TMEM132D: variants seen among roughly 807,000 people sequenced by gnomAD.
TMEM132D encodes transmembrane protein 132D.
In TMEM132D, 21 loss-of-function variants were observed where a neutral mutation model predicts 62.3. The observed-to-expected ratio is 0.34, with a 90% confidence interval of 0.24 to 0.49. The LOEUF is 0.49. TMEM132D is among the 20% of genes least tolerant of loss of function. The probability of loss-of-function intolerance (pLI) is 0.99; values close to 1 mark genes in which losing one functional copy is unlikely to be tolerated. For missense variants in TMEM132D, 1,346 were observed against 1,402.8 expected (o/e 0.96, Z 0.65); for synonymous variants, 621 against 575.6 (o/e 1.08, Z -1.13).
chr12:129,588,748 CT>C (rs869239504), intron 2 of TMEM132D, among the ~76,000 whole-genome samples: 2 of 34,396 alleles, frequency 5.8e-5, no homozygotes, highest in East Asian at 1.9e-3. Flanking sequence ...CTATTTTTTT[CT>C]TTTTTTTTTT....
intron 2 of TMEM132D, among the ~76,000 whole-genome samples, chr12:129,605,604 T>TATATATATATATATATACACACAC (rs150550863): frequency 3.8e-5 from 4 of 106,314 alleles, no homozygotes; most frequent in African/African-American, 1.6e-4. Context: ...TATATATATA[T>TATATATATATATATATACACACAC]ACACACACAT....
At chr12:129,461,880 T>A (rs73151088) in intron 3 of TMEM132D, among the ~76,000 whole-genome samples, 335 of 152,272 alleles carry the variant, frequency 2.2e-3, no homozygotes, top group Non-Finnish European at 4.3e-3. Context: ...CAAATACGGA[T>A]AAGTTCAGGA....
chr12:129,761,327 G>T (rs1870369023), intron 1 of TMEM132D, among the ~76,000 whole-genome samples: 1 of 151,806 alleles, frequency 6.6e-6, no homozygotes, highest in African/African-American at 2.4e-5. Context: ...CTGGAGGCGG[G>T]TGCAGCACCA....
chr12:129,192,691 T>A (rs1052047846), intron 5 of TMEM132D, among the ~76,000 whole-genome samples: 2 of 152,230 alleles, frequency 1.3e-5, no homozygotes, highest in African/African-American at 4.8e-5. Flanking sequence ...TATCTATCAC[T>A]GCCTCCACTG....
intron 3 of TMEM132D, among the ~76,000 whole-genome samples, chr12:129,425,514 A>G (rs910472361): frequency 2.0e-5 from 3 of 152,014 alleles, no homozygotes; most frequent in African/African-American, 7.2e-5. Flanking sequence ...TCTTTGCAAA[A>G]CATCTTGGAA....
intron 5 of TMEM132D, among the ~76,000 whole-genome samples, chr12:129,136,408 G>A (rs1437091337): frequency 6.6e-6 from 1 of 152,132 alleles, no homozygotes; most frequent in Non-Finnish European, 1.5e-5. Context: ...GACCTTACCA[G>A]TTTGGTCAGT....
At chr12:129,104,489 C>T (rs1168209196) in intron 5 of TMEM132D, among the ~76,000 whole-genome samples, 2 of 152,208 alleles carry the variant, frequency 1.3e-5, no homozygotes, top group Non-Finnish European at 2.9e-5. Context: ...TGGGCAAGGA[C>T]TTCATGTCTA....
chr12:129,832,855 C>G (rs557785699), intron 1 of TMEM132D, among the ~76,000 whole-genome samples: 1 of 152,314 alleles, frequency 6.6e-6, no homozygotes, highest in Admixed American at 6.5e-5. Flanking sequence ...TTTCACCTGT[C>G]AGAGAGCTTG....
At chr12:129,480,241 G>T (rs958240848) in intron 3 of TMEM132D, among the ~76,000 whole-genome samples, 2 of 152,236 alleles carry the variant, frequency 1.3e-5, no homozygotes, top group Non-Finnish European at 2.9e-5. Context: ...AGGGGTGCAG[G>T]GGGTGCAGAG....
chr12:129,136,768 TCA>T (rs1876576368), intron 5 of TMEM132D, among the ~76,000 whole-genome samples: 1 of 97,266 alleles, frequency 1.0e-5, no homozygotes, highest in African/African-American at 4.2e-5. Context: ...ATCATCACCA[TCA>T]TCACCATCAC....
At chr12:129,602,373 C>T (rs1231166411) in intron 2 of TMEM132D, among the ~76,000 whole-genome samples, 1 of 151,754 alleles carries the variant, frequency 6.6e-6, no homozygotes, top group African/African-American at 2.4e-5. Context: ...ATTTTACTTC[C>T]TAAAGCAGAT....
In TMEM132D at chr12:129,699,868, C is replaced by T. The variant is rs553796623; in HGVS notation, c.910G>A (p.Val304Met). 5.6e-6 allele frequency: 9 copies of T among 1,614,188 alleles called. No individual in the cohort carries two copies. The Admixed American group carries it at 1.0e-4, about 18-fold the overall frequency. ...YIPKTVRKGD[V>M]LTFPVSISRN... ...GAGATGGAAACAGGAAAAGTCAGCACGTCTCCTTTCCTCACGGTCTTTGGT... is the reference window on the plus strand; with the variant it reads ...GAGATGGAAACAGGAAAAGTCAGCATGTCTCCTTTCCTCACGGTCTTTGGT... Residue 304 changes from valine (V) to methionine (M), a missense_variant, in exon 2 of 9, where the codon GTG becomes ATG. Transcript: ENST00000422113.
At position 129,197,437 on chromosome 12, in the gene TMEM132D, T is replaced by C. The variant is rs529279711; in HGVS notation, c.1443+12083A>G. 2.0e-5 allele frequency among the ~76,000 whole-genome samples: 3 copies of C among 152,188 alleles called. No individual in the cohort carries two copies. The South Asian group carries it at 6.2e-4, about 32-fold the overall frequency. On this transcript the variant is annotated intron_variant, in intron 5 of 8. Coordinates refer to ENST00000422113, the MANE Select transcript of TMEM132D (RefSeq NM_133448.3). ...AATTCCCTCACCCCAAAAATGAGGA[T>C]AAAAATAATACCACTTTCAATGGAG...
chr12:129,513,211 T>C (rs973690697), intron 3 of TMEM132D, among the ~76,000 whole-genome samples: 3 of 152,098 alleles, frequency 2.0e-5, no homozygotes, highest in Admixed American at 6.5e-5. Flanking sequence ...AAAGGGAGCA[T>C]ACATGTGTGA....
At chr12:129,358,484 T>G (rs953676597) in intron 3 of TMEM132D, among the ~76,000 whole-genome samples, 1 of 152,146 alleles carries the variant, frequency 6.6e-6, no homozygotes, top group Non-Finnish European at 1.5e-5. Context: ...CGGTGGAGTA[T>G]TTATACTATG....
At chr12:129,669,929 A>C (rs1303557203) in intron 2 of TMEM132D, among the ~76,000 whole-genome samples, 1 of 152,198 alleles carries the variant, frequency 6.6e-6, no homozygotes, top group Non-Finnish European at 1.5e-5. Context: ...GGAGTCGCTC[A>C]GACAGTTGCA....
At chr12:129,268,258 T>C (rs1228622716) in intron 4 of TMEM132D, among the ~76,000 whole-genome samples, 3 of 151,950 alleles carry the variant, frequency 2.0e-5, no homozygotes. Context: ...ACCTAGAGAA[T>C]GGGAGAAAAT....
intron 2 of TMEM132D, among the ~76,000 whole-genome samples, chr12:129,640,063 C>T (rs1287229341): frequency 6.7e-6 from 1 of 148,832 alleles, no homozygotes; most frequent in Non-Finnish European, 1.5e-5. Context: ...CACACATACA[C>T]ACACACACAC....
At chr12:129,150,309 G>C (rs761984651) in intron 5 of TMEM132D, among the ~76,000 whole-genome samples, 2 of 152,176 alleles carry the variant, frequency 1.3e-5, no homozygotes, top group Non-Finnish European at 2.9e-5. Flanking sequence ...CTAGAACAGC[G>C]ACGAACAGGG....
Sources: gnomAD v4.1 joint callset for allele counts (sites outside exome capture counted in the v4.1 genomes callset) on GRCh38, gnomAD v4.1.1 for gene constraint, MANE v1.5 for transcripts, NCBI Gene and HGNC (gene_info 2026-07-23, HGNC 2026-07-21) for gene names.